SI: variants seen among roughly 807,000 people sequenced by gnomAD.
The protein encoded by SI is sucrase-isomaltase, intestinal.
SI carries 235 observed loss-of-function variants against 253.3 expected under a neutral mutation model. The ratio of observed to expected loss-of-function variants is 0.93; its 90% confidence interval spans 0.83 to 1.03. The LOEUF is 1.03. Among genes scored for constraint, SI ranks in the 50% least tolerant of loss-of-function variants. The pLI is 0.00. For synonymous variants in SI, 819 were observed against 712.0 expected (o/e 1.15, Z -2.39); for missense variants, 2,442 against 2,211.1 (o/e 1.10, Z -2.09).
chr3:165,011,274 C>CT lies in SI; in HGVS notation c.4062+1705dup, dbSNP rs1718755333. On this transcript the variant is annotated intron_variant, in intron 34 of 47. Transcript: ENST00000264382. ...CACTTCTCTCTTAGTACTGCTTTTG[C>CT]TGCATCCCAGAAGTTTTGCTAAGTT... Among the ~76,000 whole-genome samples, 5 of 152,126 alleles carry CT rather than the reference C, an allele frequency of 3.3e-5. No homozygotes were observed. The South Asian group carries it at 1.0e-3, about 32-fold the overall frequency.
chr3:165,028,546 A>G (rs1354299152), intron 25 of SI, among the ~76,000 whole-genome samples: 1 of 151,642 alleles, frequency 6.6e-6, no homozygotes, highest in Non-Finnish European at 1.5e-5. Context: ...ACTATACTAT[A>G]AAGCCATAGT....
chr3:165,004,838 T>C (rs1290717273), intron 37 of SI, among the ~76,000 whole-genome samples: 1 of 152,128 alleles, frequency 6.6e-6, no homozygotes, highest in Non-Finnish European at 1.5e-5. Flanking sequence ...AAGCAAGTGT[T>C]ATGGTTGGGC....
intron 26 of SI, among the ~76,000 whole-genome samples, chr3:165,022,202 A>AT (rs886394555): frequency 2.0e-5 from 3 of 151,346 alleles, no homozygotes; most frequent in South Asian, 2.1e-4. Flanking sequence ...ATGTTTACCC[A>AT]TTTTTTTGTC....
At chr3:165,088,864 C>G in the SI span, among the ~76,000 whole-genome samples, 1 of 151,606 alleles carries the variant, frequency 6.6e-6, no homozygotes, top group Non-Finnish European at 1.5e-5. Flanking sequence ...ATACTAAGAA[C>G]TAAACTTTAA....
rs1713346991 is a variant in SI at position 165,050,026 on chromosome 3, T to G, written c.1513-151A>C. On this transcript the variant is annotated intron_variant, in intron 13 of 47. Transcript: ENST00000264382. ...TAAATATAAGCTACCAACCTAAAAATAAACAGAATGTCTATATCAGATAAG... is the reference window on the plus strand; with the variant it reads ...TAAATATAAGCTACCAACCTAAAAAGAAACAGAATGTCTATATCAGATAAG... The G allele has an allele frequency of 2.1e-5, 13 of 625,788 alleles. No individual in the cohort carries two copies. In the South Asian group the frequency reaches 2.5e-4, roughly 12 times the overall value. 38.8% of individuals were successfully genotyped at this position (625,788 alleles called of 1,614,324 possible). A position where few individuals can be genotyped will look rare whatever the true frequency, so the allele number is the denominator to read the frequency against.
chr3:165,071,800 C>A (rs190147110), intron 3 of SI, among the ~76,000 whole-genome samples: 12 of 152,146 alleles, frequency 7.9e-5, no homozygotes, highest in South Asian at 2.1e-4. Context: ...TGTCTACAAG[C>A]GAGAAAGAGA....
intron 1 of SI, among the ~76,000 whole-genome samples, chr3:165,076,699 A>G (rs1045438695): frequency 2.6e-5 from 4 of 151,764 alleles, no homozygotes; most frequent in South Asian, 2.1e-4. Flanking sequence ...TCAAAAATAC[A>G]TATTTATTAT....
intron 23 of SI, 71 bp downstream of exon 23, chr3:165,033,323 AT>A (rs1167170628): frequency 7.4e-7 from 1 of 1,356,752 alleles, no homozygotes. Flanking sequence ...TTTCCAAAAA[AT>A]TTATCATAAA....
chr3:165,071,917 T>C (rs994994273), intron 3 of SI, among the ~76,000 whole-genome samples: 3 of 152,150 alleles, frequency 2.0e-5, no homozygotes, highest in Admixed American at 6.6e-5. Flanking sequence ...CTGCGGAATT[T>C]TGTTATGGCA....
At chr3:164,993,417 A>C (rs1717864628) in intron 41 of SI, among the ~76,000 whole-genome samples, 1 of 151,808 alleles carries the variant, frequency 6.6e-6, no homozygotes, top group African/African-American at 2.4e-5. Flanking sequence ...TCCTATCATC[A>C]AAAGAGAAGG....
At chr3:165,081,913 T>C (rs764762102), upstream of SI, among the ~76,000 whole-genome samples, 7 of 151,988 alleles carry the variant, frequency 4.6e-5, no homozygotes, top group Non-Finnish European at 8.8e-5. Context: ...ACCAGAACCA[T>C]TGGAAAGACC....
At chr3:165,067,204 C>A in intron 6 of SI, 136 bp downstream of exon 6, 1 of 620,958 alleles carries the variant, frequency 1.6e-6, no homozygotes, top group Non-Finnish European at 2.7e-6. Context: ...TCCTTTATCA[C>A]CGTAATTTTT....
At chr3:165,069,313 G>A in intron 3 of SI, 118 bp from the exon 4 acceptor site, 1 of 713,222 alleles carries the variant, frequency 1.4e-6, no homozygotes, top group Non-Finnish European at 2.5e-6. Flanking sequence ...TGTATAATAT[G>A]CCAAAATAGC....
chr3:165,075,022 T>G (rs997362129), intron 2 of SI, among the ~76,000 whole-genome samples: 18 of 151,898 alleles, frequency 1.2e-4, no homozygotes, highest in Admixed American at 3.9e-4. Context: ...ATATGAGTTA[T>G]GAAAAACATA....
chr3:165,051,770 T>C (rs924229256), intron 13 of SI, among the ~76,000 whole-genome samples: 1 of 152,032 alleles, frequency 6.6e-6, no homozygotes, highest in African/African-American at 2.4e-5. Context: ...AAATTTGCCA[T>C]AAATTTCACA....
At chr3:165,076,042 A>G (rs1222779046) in intron 1 of SI, 30 bp from the exon 2 acceptor site, 3 of 1,380,412 alleles carry the variant, frequency 2.2e-6, no homozygotes, top group Admixed American at 3.8e-5. Flanking sequence ...TATATTTAAA[A>G]TGTAAAATAT....
chr3:165,013,138 T>A, intron 33 of SI, 96 bp from the exon 34 acceptor site: 2 of 816,032 alleles, frequency 2.5e-6, no homozygotes, highest in South Asian at 2.7e-5. Context: ...AGAGGCTTAT[T>A]ATTAACTCAA....
chr3:165,031,734 A>G (rs1712256168), intron 24 of SI, among the ~76,000 whole-genome samples: 2 of 150,862 alleles, frequency 1.3e-5, no homozygotes, highest in Non-Finnish European at 3.0e-5. Context: ...AGTATTATAT[A>G]AATGGAGAAA....
At chr3:165,042,144 C>T (rs748006912) in intron 17 of SI, among the ~76,000 whole-genome samples, 4 of 152,078 alleles carry the variant, frequency 2.6e-5, no homozygotes, top group Non-Finnish European at 4.4e-5. Flanking sequence ...GTCTTATCAT[C>T]AGCATTTTGG....
Sources: gnomAD v4.1 joint callset for allele counts (sites outside exome capture counted in the v4.1 genomes callset) on GRCh38, gnomAD v4.1.1 for gene constraint, MANE v1.5 for transcripts, NCBI Gene and HGNC (gene_info 2026-07-23, HGNC 2026-07-21) for gene names.